Variants in ACACA observed in about 807,000 individuals in gnomAD.
ACACA encodes the protein acetyl-CoA carboxylase alpha, also known as acetyl-CoA carboxylase 1.
Under a neutral mutation model 296.1 loss-of-function variants are expected in ACACA, and 103 were observed. That is an observed-to-expected ratio of 0.35 (90% CI 0.30 to 0.41). The LOEUF (loss-of-function observed/expected upper bound fraction) is 0.41. Among genes scored for constraint, ACACA ranks in the 10% least tolerant of loss-of-function variants. The pLI is 1.00. For missense variants in ACACA, 1,554 were observed against 2,989.7 expected (o/e 0.52, Z 11.20); for synonymous variants, 953 against 1,038.6 (o/e 0.92, Z 1.58).
chr17:37,253,285 G>A (rs1460848918), intron 14 of ACACA, among the ~76,000 whole-genome samples: 1 of 152,052 alleles, frequency 6.6e-6, no homozygotes. Flanking sequence ...CCAGCTACTC[G>A]GGAGGCTGAG....
At chr17:37,275,563 T>A (rs1319519968) in intron 8 of ACACA, among the ~76,000 whole-genome samples, 1 of 145,042 alleles carries the variant, frequency 6.9e-6, no homozygotes, top group Non-Finnish European at 1.5e-5. Flanking sequence ...AGTAAGTGGG[T>A]TTTAGGTTTT....
intron 44 of ACACA, among the ~76,000 whole-genome samples, chr17:37,150,822 G>A (rs1236368705): frequency 2.0e-5 from 3 of 151,926 alleles, no homozygotes; most frequent in African/African-American, 7.3e-5. Flanking sequence ...TGGAGGCTGA[G>A]GCGGGTGGAT....
intron 39 of ACACA, among the ~76,000 whole-genome samples, chr17:37,182,192 A>G (rs1385352874): frequency 6.6e-6 from 1 of 152,136 alleles, no homozygotes; most frequent in South Asian, 2.1e-4. Context: ...ATGGTACTTC[A>G]TAAGTATTAC....
chr17:37,106,613 C>T (rs1304516092), intron 52 of ACACA, among the ~76,000 whole-genome samples: 21 of 152,160 alleles, frequency 1.4e-4, no homozygotes, highest in Admixed American at 1.2e-3. Flanking sequence ...TGTGTTTCCA[C>T]GCAGACATAT....
chr17:37,167,119 AT>A (rs11290127), intron 41 of ACACA, among the ~76,000 whole-genome samples: 247 of 101,322 alleles, frequency 2.4e-3, no homozygotes, highest in African/African-American at 5.9e-3. Flanking sequence ...TAATTTTTGC[AT>A]TTTTTTTTTT....
At chr17:37,283,487 C>T in intron 4 of ACACA, 82 bp from the exon 5 acceptor site, 2 of 1,485,122 alleles carry the variant, frequency 1.3e-6, no homozygotes, top group Non-Finnish European at 1.9e-6. Flanking sequence ...AGAATTTTTA[C>T]ATATCTATCT....
chr17:37,387,677 C>T (rs1344246142), intron 1 of ACACA: 4 of 151,896 alleles, frequency 2.6e-5, no homozygotes, highest in African/African-American at 9.7e-5. Context: ...AACTCCTGAC[C>T]TCAAGTGATC....
chr17:37,165,394 T>C (rs1450100775), intron 41 of ACACA, among the ~76,000 whole-genome samples: 1 of 152,170 alleles, frequency 6.6e-6, no homozygotes, highest in Non-Finnish European at 1.5e-5. Flanking sequence ...AACTGTGTGA[T>C]CTTAAGAAAA....
intron 45 of ACACA, 27 bp downstream of exon 45, chr17:37,149,837 T>A: frequency 6.3e-7 from 1 of 1,582,906 alleles, no homozygotes; most frequent in Non-Finnish European, 8.7e-7. Flanking sequence ...CAGCTATGCA[T>A]ACTTCTTCAA....
At chr17:37,240,452 G>C (rs1567865689) in intron 24 of ACACA, 24 bp downstream of exon 24, 11 of 1,607,408 alleles carry the variant, frequency 6.8e-6, no homozygotes, top group South Asian at 2.2e-5. Flanking sequence ...TTCTTAGCTA[G>C]AGAGTCCTCA....
chr17:37,174,397 T>C (rs1210095408), intron 41 of ACACA, among the ~76,000 whole-genome samples: 1 of 152,056 alleles, frequency 6.6e-6, no homozygotes, highest in East Asian at 1.9e-4. Context: ...CTCATGTGAA[T>C]GCTAAGCTGC....
intron 1 of ACACA, among the ~76,000 whole-genome samples, chr17:37,350,566 G>A (rs1055434031): frequency 3.3e-5 from 5 of 152,130 alleles, no homozygotes; most frequent in Non-Finnish European, 7.4e-5. Flanking sequence ...CGGGCTGGGC[G>A]TGGTGGTTCG....
At chr17:37,248,286 T>A in intron 17 of ACACA, 130 bp from the exon 18 acceptor site, 20 of 1,141,854 alleles carry the variant, frequency 1.8e-5, no homozygotes, top group South Asian at 2.7e-5. Flanking sequence ...TGATGCTATT[T>A]GCATCAGTGT....
chr17:37,372,804 T>C (rs1016477332), intron 1 of ACACA, among the ~76,000 whole-genome samples: 1 of 152,054 alleles, frequency 6.6e-6, no homozygotes, highest in African/African-American at 2.4e-5. Context: ...AGAAAGTCAG[T>C]CAAAATATCT....
rs200732094 is a variant in ACACA at position 37,319,650 on chromosome 17, C to T, written c.338+10523G>A. The stretch of plus-strand genomic sequence containing the variant: ...CCACCCTGGGCAACGTGGTGAGACC[C>T]CATCTCTACAAAAAAATTTAGGCCA... On this transcript the variant is annotated intron_variant, in intron 3 of 55. Transcript: ENST00000616317. Among the ~76,000 whole-genome samples, 5 of 151,750 alleles carry T rather than the reference C, an allele frequency of 3.3e-5. No individual in the cohort carries two copies. The East Asian group carries it at 7.8e-4, about 24-fold the overall frequency.
At chr17:37,093,714 T>C (rs912208692) in intron 54 of ACACA, among the ~76,000 whole-genome samples, 3 of 152,070 alleles carry the variant, frequency 2.0e-5, no homozygotes, top group African/African-American at 7.2e-5. Flanking sequence ...TCCAGGCTGG[T>C]CTCAAACTCC....
chr17:37,349,414 T>C (rs1018833680), intron 1 of ACACA, among the ~76,000 whole-genome samples: 13 of 147,848 alleles, frequency 8.8e-5, no homozygotes, highest in Middle Eastern at 7.1e-3. Flanking sequence ...ATATAATATA[T>C]ATTATATATA....
intron 41 of ACACA, among the ~76,000 whole-genome samples, chr17:37,165,834 C>T (rs1567750007): frequency 6.6e-6 from 1 of 152,108 alleles, no homozygotes; most frequent in Non-Finnish European, 1.5e-5. Flanking sequence ...TGCCACCATA[C>T]TCGGCCAATT....
chr17:37,268,539 G>C (rs186982340), intron 10 of ACACA, among the ~76,000 whole-genome samples: 1 of 152,082 alleles, frequency 6.6e-6, no homozygotes, highest in East Asian at 1.9e-4. Flanking sequence ...TAAGACTGTT[G>C]AAAACTTATC....
Sources: allele counts gnomAD v4.1 joint callset (sites outside exome capture counted in the v4.1 genomes callset), GRCh38; gene constraint gnomAD v4.1.1; transcripts MANE v1.5; gene names NCBI Gene and HGNC (gene_info 2026-07-23, HGNC 2026-07-21).